The following PXYLP1 variants were observed in gnomAD, a reference collection of about 807,000 sequenced individuals.
The protein encoded by PXYLP1 is acid phosphatase-like 2.
A neutral mutation model predicts 37.9 loss-of-function variants in PXYLP1; 17 were observed. That is an observed-to-expected ratio of 0.45 (90% CI 0.31 to 0.67). The LOEUF (loss-of-function observed/expected upper bound fraction) is 0.67. Ranked by LOEUF, PXYLP1 falls within the 30% of genes least tolerant of loss-of-function variation. The probability of loss-of-function intolerance (pLI) is 0.07; values close to 1 mark genes in which losing one functional copy is unlikely to be tolerated. For synonymous variants in PXYLP1, 221 were observed against 232.2 expected, an observed-to-expected ratio of 0.95 and a Z score of 0.44; for missense variants, 511 against 612.0, an observed-to-expected ratio of 0.84 and a Z score of 1.74.
intron 2 of PXYLP1, among the ~76,000 whole-genome samples, chr3:141,266,179 T>G (rs1156515030): frequency 1.3e-5 from 2 of 152,270 alleles, no homozygotes; most frequent in South Asian, 4.1e-4. Flanking sequence ...GAACTTGTTT[T>G]GTTTGGCCCA....
At chr3:141,234,151 AGTT>A (rs903919070) in intron 1 of PXYLP1, 5 of 148,526 alleles carry the variant, frequency 3.4e-5, no homozygotes, top group African/African-American at 1.0e-4. Context: ...TAAATTCAAC[AGTT>A]TTTTTTTTTT....
intron 2 of PXYLP1, among the ~76,000 whole-genome samples, chr3:141,277,677 G>A (rs1018702504): frequency 8.5e-5 from 13 of 152,318 alleles, no homozygotes; most frequent in African/African-American, 2.6e-4. Context: ...CTGACCACAC[G>A]TGGTGGTGAA....
At chr3:141,242,755 A>C (rs149326834) in intron 1 of PXYLP1, among the ~76,000 whole-genome samples, 3 of 152,328 alleles carry the variant, frequency 2.0e-5, no homozygotes, top group East Asian at 1.9e-4. Flanking sequence ...AATAATAATG[A>C]GAACGAAATC....
intron 2 of PXYLP1, among the ~76,000 whole-genome samples, chr3:141,268,206 A>AGAGT (rs1325105026): frequency 1.9e-3 from 100 of 51,420 alleles, no homozygotes; most frequent in East Asian, 3.8e-3. Flanking sequence ...AGAGAGAGAG[A>AGAGT]GTGTGTGTGT....
At chr3:141,234,869 A>T (rs1163062887) in intron 1 of PXYLP1, 1 of 152,204 alleles carries the variant, frequency 6.6e-6, no homozygotes, top group African/African-American at 2.4e-5. Flanking sequence ...TCTTACCCAG[A>T]TTGTCTCTGT....
At chr3:141,284,238 C>T (rs185059230) in intron 4 of PXYLP1, among the ~76,000 whole-genome samples, 16 of 152,194 alleles carry the variant, frequency 1.1e-4, no homozygotes, top group Non-Finnish European at 1.9e-4. Flanking sequence ...CCCCAGGTTT[C>T]TTCCAGGTTG....
intron 4 of PXYLP1, among the ~76,000 whole-genome samples, chr3:141,286,516 G>C (rs1942077581): frequency 6.6e-6 from 1 of 152,170 alleles, no homozygotes; most frequent in African/African-American, 2.4e-5. Flanking sequence ...TAGGAGGAAG[G>C]GATAGCTCGT....
chr3:141,241,481 A>G (rs552393694), intron 1 of PXYLP1, among the ~76,000 whole-genome samples: 14 of 152,254 alleles, frequency 9.2e-5, no homozygotes, highest in Non-Finnish European at 1.8e-4. Context: ...CAGTATTGGA[A>G]GATGTCACCC....
intron 2 of PXYLP1, chr3:141,274,379 C>T: frequency 6.9e-7 from 1 of 1,440,772 alleles, no homozygotes; most frequent in Non-Finnish European, 9.1e-7. Flanking sequence ...TATCCTGAGC[C>T]AGCTTGCTGA....
At chr3:141,252,706 CCCACT>C (rs1941168362) in intron 1 of PXYLP1, among the ~76,000 whole-genome samples, 2 of 152,218 alleles carry the variant, frequency 1.3e-5, no homozygotes, top group African/African-American at 4.8e-5. Context: ...ACCTCAGCTC[CCCACT>C]GGCTTCCCCA....
intron 1 of PXYLP1, among the ~76,000 whole-genome samples, chr3:141,233,189 C>T (rs577322797): frequency 1.3e-5 from 2 of 152,248 alleles, no homozygotes; most frequent in South Asian, 4.1e-4. Flanking sequence ...CAAAAGGCCT[C>T]GGGCGCGGTG....
chr3:141,244,850 T>G (rs965338289), intron 1 of PXYLP1, among the ~76,000 whole-genome samples: 1 of 151,800 alleles, frequency 6.6e-6, no homozygotes, highest in Non-Finnish European at 1.5e-5. Context: ...GAAATACAAA[T>G]TCTTGGGGCA....
At chr3:141,267,451 A>G (rs1020471564) in intron 2 of PXYLP1, 1 of 152,204 alleles carries the variant, frequency 6.6e-6, no homozygotes, top group African/African-American at 2.4e-5. Context: ...GTTCTGTCAT[A>G]TCGCCATCTC....
intron 2 of PXYLP1, among the ~76,000 whole-genome samples, chr3:141,261,482 G>T (rs1478826568): frequency 6.6e-6 from 1 of 152,114 alleles, no homozygotes; most frequent in Non-Finnish European, 1.5e-5. Context: ...AACCAATAAA[G>T]CAATTAAATA....
chr3:141,253,828 C>T (rs935410571), intron 1 of PXYLP1, among the ~76,000 whole-genome samples: 2 of 146,920 alleles, frequency 1.4e-5, no homozygotes, highest in South Asian at 4.3e-4. Flanking sequence ...TTCCCCTCAA[C>T]CTTTTTATCT....
intron 1 of PXYLP1, among the ~76,000 whole-genome samples, chr3:141,256,272 C>T (rs1355556822): frequency 2.6e-5 from 4 of 152,068 alleles, no homozygotes; most frequent in Non-Finnish European, 5.9e-5. Context: ...TGTCTCTTAT[C>T]CTCAGTCTTA....
chr3:141,277,197 A>G (rs1474582135), intron 2 of PXYLP1, among the ~76,000 whole-genome samples: 1 of 152,106 alleles, frequency 6.6e-6, no homozygotes, highest in Non-Finnish European at 1.5e-5. Flanking sequence ...AAGAATTTGT[A>G]GAAGTAATTA....
chr3:141,272,898 C>A, intron 2 of PXYLP1: 1 of 845,344 alleles, frequency 1.2e-6, no homozygotes, highest in Non-Finnish European at 1.4e-6. Context: ...TCTCCTTTGG[C>A]AGCACACTCA....
At chr3:141,235,621 GAGC>G (rs1427116647) in intron 1 of PXYLP1, 1 of 152,338 alleles carries the variant, frequency 6.6e-6, no homozygotes, top group Non-Finnish European at 1.5e-5. Context: ...GAAGAAGAGG[GAGC>G]AGCTTTCTAG....
Sources: allele counts gnomAD v4.1 joint callset (sites outside exome capture counted in the v4.1 genomes callset), GRCh38; gene constraint gnomAD v4.1.1; transcripts MANE v1.5; gene names NCBI Gene and HGNC (gene_info 2026-07-23, HGNC 2026-07-21).